SPAG7: variants seen among roughly 807,000 people sequenced by gnomAD.
SPAG7 encodes sperm-associated antigen 7.
A neutral mutation model predicts 30.6 loss-of-function variants in SPAG7; 20 were observed. That is an observed-to-expected ratio of 0.65 (90% CI 0.46 to 0.95). The LOEUF (loss-of-function observed/expected upper bound fraction) is 0.95. Among genes scored for constraint, SPAG7 ranks in the 40% least tolerant of loss-of-function variants. The probability of loss-of-function intolerance (pLI) is 0.00; values close to 1 mark genes in which losing one functional copy is unlikely to be tolerated. For synonymous variants in SPAG7, 127 were observed against 104.2 expected (o/e 1.22, Z -1.33); for missense variants, 276 against 291.1 (o/e 0.95, Z 0.38).
chr17:4,967,809 G>T lies in SPAG7; in HGVS notation c.-5C>A. On this transcript the variant is annotated 5_prime_UTR_variant, in exon 1 of 7. Transcript: ENST00000206020. ...GGAGCCCAGTAGGTCCGCCATCTTGGGAGTGACTGAGAGGGGGCGGTGCGT... is the reference window on the plus strand; with the variant it reads ...GGAGCCCAGTAGGTCCGCCATCTTGTGAGTGACTGAGAGGGGGCGGTGCGT... 2 of 1,610,764 alleles carry T rather than the reference G, an allele frequency of 1.2e-6. No homozygotes were observed. Among genetic ancestry groups the T allele is most frequent in the Middle Eastern group, 1.7e-4 (1 of 6,052 alleles).
In SPAG7 at chr17:4,959,333, T is replaced by A; in HGVS notation, c.*201A>T. 4 of 587,968 alleles carry A rather than the reference T, an allele frequency of 6.8e-6. No homozygotes were observed. In the South Asian group the frequency reaches 8.3e-5, roughly 12 times the overall value. 36.4% of individuals were successfully genotyped at this position (587,968 alleles called of 1,614,324 possible). On this transcript the variant is annotated 3_prime_UTR_variant, in exon 7 of 7. Coordinates refer to ENST00000206020, the MANE Select transcript of SPAG7 (RefSeq NM_004890.3). Reference sequence around the variant, plus strand: ...TAAATACCCACCTGTGCATTCACACTCTCACACACACACACACATGCCACG... The same window carrying A: ...TAAATACCCACCTGTGCATTCACACACTCACACACACACACACATGCCACG...
intron 3 of SPAG7, 60 bp downstream of exon 3, chr17:4,960,399 G>A: frequency 6.3e-7 from 1 of 1,593,288 alleles, no homozygotes; most frequent in Non-Finnish European, 8.6e-7. Context: ...GCCCCCCGCT[G>A]GCCCTTTCAT....
intron 1 of SPAG7, among the ~76,000 whole-genome samples, chr17:4,967,405 C>T (rs1971979629): frequency 6.6e-6 from 1 of 152,104 alleles, no homozygotes; most frequent in Admixed American, 6.5e-5. Flanking sequence ...GGCAGGAATG[C>T]GGCAGGTTGG....
At chr17:4,962,404 T>C (rs112505428) in intron 1 of SPAG7, among the ~76,000 whole-genome samples, 3 of 152,236 alleles carry the variant, frequency 2.0e-5, no homozygotes, top group African/African-American at 7.2e-5. Context: ...CGTGAGCCAC[T>C]GCACCCGGCC....
At chr17:4,960,984 T>C (rs1050229601) in intron 1 of SPAG7, 131 bp from the exon 2 acceptor site, 2 of 776,234 alleles carry the variant, frequency 2.6e-6, no homozygotes, top group African/African-American at 3.4e-5. Flanking sequence ...CGTTTATTCA[T>C]CAAGCATTTA....
At chr17:4,962,877 G>C (rs1297614987) in intron 1 of SPAG7, among the ~76,000 whole-genome samples, 2 of 151,620 alleles carry the variant, frequency 1.3e-5, no homozygotes, top group Non-Finnish European at 2.9e-5. Context: ...CTCCCACCTG[G>C]GCCTCTCAAA....
rs189174783 is a variant in SPAG7, at chr17:4,963,522, G to C, written c.86-2669C>G. On this transcript the variant is annotated intron_variant, in intron 1 of 6. Transcript: ENST00000206020. Reference sequence around the variant, plus strand: ...CGCCCAGGCTGGAGTGCAGTGGCACGATCTTGGCTCACTGCAACCTCCGCC... The same window carrying C: ...CGCCCAGGCTGGAGTGCAGTGGCACCATCTTGGCTCACTGCAACCTCCGCC... Among the ~76,000 whole-genome samples, 486 of 140,498 alleles carry C rather than the reference G, an allele frequency of 3.5e-3. 2 individuals carry two copies. Among genetic ancestry groups the C allele is most frequent in the African/African-American group, 0.012 (433 of 36,530 alleles). The allele number at this position is 140,498 out of a possible 152,430, so 92.2% of individuals were successfully genotyped here.
rs775928608 is a variant in SPAG7 at position 4,967,810 on chromosome 17, G to T, written c.-6C>A. 4.4e-6 allele frequency: 7 copies of T among 1,606,868 alleles called. No individual in the cohort carries two copies. The highest frequency in any genetic ancestry group is 3.4e-6 in the Non-Finnish European group (4 of 1,173,634). On this transcript the variant is annotated 5_prime_UTR_variant, in exon 1 of 7. Coordinates refer to ENST00000206020, the MANE Select transcript of SPAG7 (RefSeq NM_004890.3). Reference sequence around the variant, plus strand: ...GAGCCCAGTAGGTCCGCCATCTTGGGAGTGACTGAGAGGGGGCGGTGCGTC... The same window carrying T: ...GAGCCCAGTAGGTCCGCCATCTTGGTAGTGACTGAGAGGGGGCGGTGCGTC...
At position 4,966,985 on chromosome 17, in the gene SPAG7, G is replaced by C. The variant is rs60276582; in HGVS notation, c.85+735C>G. On this transcript the variant is annotated intron_variant, in intron 1 of 6. Transcript: ENST00000206020. ...CTGCAACACGAGCAGCCCCGGGGAG[G>C]CTCCCACCGCCCTGCAGGGCCGCGC... 2.0e-3 allele frequency: 2,018 copies of C among 985,616 alleles called. 32 individuals carry two copies. In the African/African-American group the frequency reaches 0.032, roughly 16 times the overall value. 61.1% of individuals were successfully genotyped at this position (985,616 alleles called of 1,614,324 possible).
intron 1 of SPAG7, chr17:4,966,587 C>G (rs2151149689): frequency 2.0e-6 from 2 of 985,428 alleles, no homozygotes; most frequent in Middle Eastern, 5.2e-4. Context: ...GCTTCTCTCT[C>G]TCATTTACGG....
chr17:4,964,044 C>T (rs1024422314), intron 1 of SPAG7, among the ~76,000 whole-genome samples: 1 of 152,136 alleles, frequency 6.6e-6, no homozygotes, highest in South Asian at 2.1e-4. Flanking sequence ...TTTGAGAGGC[C>T]GAGGTGGGAG....
At chr17:4,961,323 G>C (rs943071965) in intron 1 of SPAG7, among the ~76,000 whole-genome samples, 1 of 151,990 alleles carries the variant, frequency 6.6e-6, no homozygotes, top group Non-Finnish European at 1.5e-5. Context: ...CGGGTGTGGT[G>C]GTGGGCGCCT....
Position 4,960,285 on chromosome 17 carries a change from G to A in SPAG7, c.276C>T (p.Ser92=). The A allele has an allele frequency of 6.2e-7, 1 of 1,614,208 alleles. No homozygotes were observed. The highest frequency in any genetic ancestry group is 8.5e-7 in the Non-Finnish European group (1 of 1,180,034). ...HDVVEVAGLT[S]FSFGEDDDCR... ...AGTCATCATCTTCCCCAAAGGAGAA[G>A]GATGTCAGGCCAGCCACTTCCACCA... Residue 92 remains serine, a synonymous_variant, in exon 4 of 7, where the codon TCC becomes TCT. Transcript: ENST00000206020.
rs1034027173 is a variant in SPAG7, at chr17:4,960,004, C to T, written c.417+18G>A. ...GTGGTGGGCTTCTGGACCCCAAGGGCTGCAAAGCATAGCTCACCTTCAGCT... is the reference window on the plus strand; with the variant it reads ...GTGGTGGGCTTCTGGACCCCAAGGGTTGCAAAGCATAGCTCACCTTCAGCT... On this transcript the variant is annotated intron_variant, in intron 5 of 6. Coordinates refer to ENST00000206020, the MANE Select transcript of SPAG7 (RefSeq NM_004890.3). 15 of 1,613,786 alleles carry T rather than the reference C, an allele frequency of 9.3e-6. No homozygotes were observed. Among genetic ancestry groups the T allele is most frequent in the African/African-American group, 1.3e-5 (1 of 74,938 alleles).
In SPAG7 at chr17:4,959,893, C is replaced by G; in HGVS notation, c.441G>C (p.Glu147Asp). The part of the protein sequence containing the change: ...KLKELAQRQE[E>D]EAAQQGPVVV... ...CCACAGGCCCCTGCTGGGCTGCCTC[C>G]TCCTCTTGCCTCTGGGCCAGCTCCT... Residue 147 changes from glutamate (E) to aspartate (D), a missense_variant, in exon 6 of 7, where the codon GAG (glutamate) becomes GAC (aspartate). By Grantham distance (45) the Glu-to-Asp change is conservative. Coordinates refer to ENST00000206020, the MANE Select transcript of SPAG7 (RefSeq NM_004890.3). 10 of 1,613,626 alleles carry G rather than the reference C, an allele frequency of 6.2e-6. No homozygotes were observed. The highest frequency in any genetic ancestry group is 8.5e-6 in the Non-Finnish European group (10 of 1,180,008).
At chr17:4,965,513 ACTT>A (rs1363924102) in intron 1 of SPAG7, among the ~76,000 whole-genome samples, 3 of 150,876 alleles carry the variant, frequency 2.0e-5, no homozygotes, top group Non-Finnish European at 3.0e-5. Flanking sequence ...ACGTATCATA[ACTT>A]CTTTTTTTTT....
At chr17:4,960,379 C>T in intron 3 of SPAG7, 61 bp from the exon 4 acceptor site, 1 of 1,600,970 alleles carries the variant, frequency 6.2e-7, no homozygotes, top group Non-Finnish European at 8.6e-7. Context: ...TAGTGCCCTC[C>T]TCTGGAGGAG....
At chr17:4,963,738 T>C (rs992959494) in intron 1 of SPAG7, among the ~76,000 whole-genome samples, 2 of 152,150 alleles carry the variant, frequency 1.3e-5, no homozygotes, top group African/African-American at 4.8e-5. Flanking sequence ...ATTACAGGCT[T>C]GAGCCACCGT....
intron 1 of SPAG7, among the ~76,000 whole-genome samples, chr17:4,965,030 C>G (rs1314000753): frequency 6.6e-6 from 1 of 152,350 alleles, no homozygotes; most frequent in East Asian, 1.9e-4. Flanking sequence ...CTGCCTCAGC[C>G]TCCCGAGTAG....
Sources: gnomAD v4.1 joint callset for allele counts (sites outside exome capture counted in the v4.1 genomes callset) on GRCh38, gnomAD v4.1.1 for gene constraint, MANE v1.5 for transcripts, NCBI Gene and HGNC (gene_info 2026-07-23, HGNC 2026-07-21) for gene names.